Variants in CHID1 observed in about 807,000 individuals in gnomAD.
The protein encoded by CHID1 is chitinase domain-containing protein 1.
CHID1 carries 44 observed loss-of-function variants against 55.4 expected under a neutral mutation model. The ratio of observed to expected loss-of-function variants is 0.79; its 90% confidence interval spans 0.62 to 1.02. The LOEUF (loss-of-function observed/expected upper bound fraction) is 1.02, where lower values mean the gene tolerates loss of function less well. CHID1 is among the 50% of genes least tolerant of loss of function. The pLI, the probability that CHID1 is intolerant of heterozygous loss-of-function variation, is 0.00. For missense variants in CHID1, 491 were observed against 515.3 expected, an observed-to-expected ratio of 0.95 and a Z score of 0.46; for synonymous variants, 216 against 212.9, an observed-to-expected ratio of 1.01 and a Z score of -0.13.
In CHID1 at chr11:891,018, G is replaced by A. The variant is rs922725945; in HGVS notation, c.701+2409C>T. On this transcript the variant is annotated intron_variant, in intron 8 of 12. Transcript: ENST00000323578. ...GGAGGTGAGTGACAAGCACAATTAC[G>A]CGCTGCTGCAAAAGCACCAGGGACA... Among the ~76,000 whole-genome samples, 42 of 152,176 alleles carry A rather than the reference G, an allele frequency of 2.8e-4. 1 individual carries two copies. The highest frequency in any genetic ancestry group is 1.8e-3 in the Admixed American group (28 of 15,284).
At chr11:899,930 G>T in intron 6 of CHID1, 74 bp downstream of exon 6, 1 of 1,083,010 alleles carries the variant, frequency 9.2e-7, no homozygotes, top group Non-Finnish European at 1.4e-6. Context: ...GAGGCCTCGC[G>T]GGAGGCCCAG....
chr11:904,915 C>T (rs910688429), intron 1 of CHID1, 56 bp from the exon 2 acceptor site: 1 of 1,572,986 alleles, frequency 6.4e-7, no homozygotes, highest in Non-Finnish European at 8.6e-7. Context: ...AGCACATGGG[C>T]AACCCCTCTG....
chr11:897,967 C>A (rs1851503211), intron 7 of CHID1, among the ~76,000 whole-genome samples: 1 of 152,158 alleles, frequency 6.6e-6, no homozygotes, highest in African/African-American at 2.4e-5. Context: ...GGAGCCGGGG[C>A]CTGGGAGCAG....
intron 10 of CHID1, among the ~76,000 whole-genome samples, chr11:878,018 C>A (rs1235742062): frequency 6.6e-6 from 1 of 152,240 alleles, no homozygotes; most frequent in African/African-American, 2.4e-5. Flanking sequence ...AGACCCTGTA[C>A]CACGGACACC....
Position 904,784 on chromosome 11 carries a change from G to A in CHID1, c.33C>T (p.Ala11=). The part of the protein sequence containing the change: MRTLFNLLWL[A]LACSPVHTTL... ...TAGTGTGAACAGGGCTGCAGGCCAGGGCAAGCCAGAGGAGGTTGAAGAGTG... is the reference window on the plus strand; with the variant it reads ...TAGTGTGAACAGGGCTGCAGGCCAGAGCAAGCCAGAGGAGGTTGAAGAGTG... The change falls in exon 2 of 13, where the codon GCC becomes GCT. Residue 11 remains alanine (A), a synonymous_variant. Coordinates refer to ENST00000323578, the MANE Select transcript of CHID1 (RefSeq NM_023947.4). The A allele has an allele frequency of 6.2e-7, 1 of 1,614,080 alleles. No individual in the cohort carries two copies. Among genetic ancestry groups the A allele is most frequent in the Non-Finnish European group, 8.5e-7 (1 of 1,180,040 alleles).
rs1851688373 is a variant in CHID1 at position 900,029 on chromosome 11, C to T, written c.521G>A (p.Ser174Asn). Residue 174 changes from serine (S) to asparagine (N), a missense_variant, in exon 6 of 13, where the codon AGC becomes AAC. By Grantham distance (46) the Ser-to-Asn change is conservative. Transcript: ENST00000323578. ...CTTTGCCACCTGGACCACGGTCTTG[C>T]TCAGCTCCTCTATCTCATCCTCACT... The part of the protein sequence containing the change: ...LDSEDEIEEL[S>N]KTVVQVAKNQ... 1 of 1,614,076 alleles carries T rather than the reference C, an allele frequency of 6.2e-7. No homozygotes were observed. The highest frequency in any genetic ancestry group is 2.2e-5 in the East Asian group (1 of 44,888).
rs768091549 is a variant in CHID1, at chr11:869,840, G to A, written c.*18C>T. The A allele has an allele frequency of 1.6e-5, 26 of 1,606,128 alleles. No homozygotes were observed. Among genetic ancestry groups the A allele is most frequent in the Middle Eastern group, 3.3e-4 (2 of 6,068 alleles). ...GCTTAGAAAAGAACACGTCCACCGCGGAGGCCGCAATGCCCACCTAGAGCA... is the reference window on the plus strand; with the variant it reads ...GCTTAGAAAAGAACACGTCCACCGCAGAGGCCGCAATGCCCACCTAGAGCA... On this transcript the variant is annotated 3_prime_UTR_variant, in exon 13 of 13. Transcript: ENST00000323578.
At position 870,360 on chromosome 11, in the gene CHID1, C is replaced by T. The variant is rs548347957; in HGVS notation, c.1040+59G>A. 3 of 1,454,982 alleles carry T rather than the reference C, an allele frequency of 2.1e-6. No homozygotes were observed. The South Asian group carries it at 3.6e-5, about 17-fold the overall frequency. 90.1% of individuals were successfully genotyped at this position (1,454,982 alleles called of 1,614,324 possible). ...GGCCCTGCTGCTCCCTCATCTCCAC[C>T]CCCAGGGCCCCTCCCTGCACACAAG... On this transcript the variant is annotated intron_variant, in intron 11 of 12. Transcript: ENST00000323578.
chr11:893,775 A>G (rs952246706), intron 7 of CHID1, among the ~76,000 whole-genome samples: 3 of 152,094 alleles, frequency 2.0e-5, no homozygotes, highest in African/African-American at 7.2e-5. Context: ...GAGGGGCTCC[A>G]ACAACCAGAG....
At chr11:908,398 C>G (rs1852393068) in intron 1 of CHID1, 1 of 169,270 alleles carries the variant, frequency 5.9e-6, no homozygotes, top group South Asian at 2.0e-4. Flanking sequence ...GAATCAGAAC[C>G]AAGGGCAGCA....
intron 4 of CHID1, 108 bp downstream of exon 4, chr11:902,089 CA>C (rs1254116319): frequency 4.6e-6 from 6 of 1,310,058 alleles, no homozygotes; most frequent in African/African-American, 1.5e-5. Context: ...CACTCCCATA[CA>C]GAGACACCCA....
At chr11:903,775 T>C in intron 2 of CHID1, 2 of 187,266 alleles carry the variant, frequency 1.1e-5, no homozygotes, top group Non-Finnish European at 2.3e-5. Flanking sequence ...GAGCAAAACT[T>C]CACCTCAAAA....
upstream of CHID1, chr11:914,702 G>A (rs1253920402): frequency 1.7e-5 from 7 of 418,518 alleles, no homozygotes; most frequent in South Asian, 1.0e-4. Flanking sequence ...CAGCCTGGGC[G>A]ACAGATAGGA....
intron 1 of CHID1, 87 bp downstream of exon 1, chr11:910,688 C>G: frequency 2.4e-6 from 3 of 1,263,944 alleles, no homozygotes; most frequent in Non-Finnish European, 3.1e-6. Flanking sequence ...CGGGGCCGAG[C>G]CTCGCTGCCC....
At chr11:882,422 A>G (rs917851052) in intron 10 of CHID1, 2 of 152,282 alleles carry the variant, frequency 1.3e-5, no homozygotes, top group Non-Finnish European at 2.9e-5. Context: ...AGAAGACAGA[A>G]GAGAAGAAAC....
At chr11:877,284 T>C (rs1849582289) in intron 10 of CHID1, among the ~76,000 whole-genome samples, 1 of 152,142 alleles carries the variant, frequency 6.6e-6, no homozygotes, top group African/African-American at 2.4e-5. Context: ...CTTTGGTTGT[T>C]TTGGAGACAG....
At chr11:910,618 C>A (rs949221478) in intron 1 of CHID1, 157 bp downstream of exon 1, 121 of 1,256,438 alleles carry the variant, frequency 9.6e-5, no homozygotes, top group Non-Finnish European at 1.2e-4. Context: ...CGCCCCCTCA[C>A]ACACTTGCTC....
intron 10 of CHID1, among the ~76,000 whole-genome samples, chr11:880,118 G>C (rs1008618588): frequency 6.6e-6 from 1 of 152,228 alleles, no homozygotes; most frequent in Non-Finnish European, 1.5e-5. Context: ...ACTGACCTGT[G>C]CCCCATCTCA....
At chr11:896,776 C>T (rs1467719513) in intron 7 of CHID1, among the ~76,000 whole-genome samples, 1 of 144,894 alleles carries the variant, frequency 6.9e-6, no homozygotes, top group Admixed American at 6.9e-5. Flanking sequence ...GTGGCTGTCT[C>T]AGTGCCCCCA....
Sources: allele counts gnomAD v4.1 joint callset (sites outside exome capture counted in the v4.1 genomes callset), GRCh38; gene constraint gnomAD v4.1.1; transcripts MANE v1.5; gene names NCBI Gene and HGNC (gene_info 2026-07-23, HGNC 2026-07-21).